LYRM4: variants seen among roughly 807,000 people sequenced by gnomAD.
The protein encoded by LYRM4 is LYR motif-containing protein 4.
In LYRM4, 9 loss-of-function variants were observed where a neutral mutation model predicts 11.7. That is an observed-to-expected ratio of 0.77 (90% CI 0.46 to 1.34). LYRM4 has a LOEUF of 1.34. Among genes scored for constraint, LYRM4 ranks in the 40% most tolerant of loss-of-function variants. The pLI is 0.00. For missense variants in LYRM4, 133 were observed against 112.5 expected, an observed-to-expected ratio of 1.18 and a Z score of -0.82; for synonymous variants, 42 against 40.4, an observed-to-expected ratio of 1.04 and a Z score of -0.15.
chr6:5,099,491 G>T (rs1762438041), downstream of LYRM4, among the ~76,000 whole-genome samples: 1 of 152,092 alleles, frequency 6.6e-6, no homozygotes, highest in South Asian at 2.1e-4. This position sits in a 1 kb window ranked among gnomAD's most constrained non-coding sequence, Gnocchi z 4.3. Context: ...GTGCTCAAGT[G>T]ATCCTCCTGC....
chr6:5,068,919 TTTC>T, the LYRM4 span, among the ~76,000 whole-genome samples: 2 of 152,216 alleles, frequency 1.3e-5, no homozygotes, highest in Non-Finnish European at 2.9e-5. The surrounding 1 kb of genome is among the most constrained non-coding windows in gnomAD (Gnocchi z 4.0). Context: ...AAGTTTGATG[TTTC>T]TTCTTGCTTC....
At chr6:5,110,037 A>C (rs974336130) in intron 2 of LYRM4, among the ~76,000 whole-genome samples, 8 of 152,006 alleles carry the variant, frequency 5.3e-5, no homozygotes, top group African/African-American at 1.9e-4. Flanking sequence ...CTTCTTTTTA[A>C]AGTGTCCTTT....
intron 2 of LYRM4, among the ~76,000 whole-genome samples, chr6:5,203,187 C>T (rs1761488544): frequency 6.6e-6 from 1 of 152,156 alleles, no homozygotes. Context: ...TTCCATGATG[C>T]TCGGAAATAC....
chr6:5,035,470 C>G, the LYRM4 span, among the ~76,000 whole-genome samples: 23 of 150,772 alleles, frequency 1.5e-4, no homozygotes, highest in East Asian at 2.0e-4. Flanking sequence ...ATCGCAGCAG[C>G]GGGATCCGTC....
At chr6:5,254,014 T>C (rs2753241) in intron 1 of LYRM4, among the ~76,000 whole-genome samples, 124,655 of 152,092 alleles carry the variant, frequency 0.82, 51,692 homozygotes, top group African/African-American at 0.95. Flanking sequence ...CAAACTTGCA[T>C]CAAAAAAAGG....
At chr6:5,176,528 C>A (rs1185966812) in intron 2 of LYRM4, among the ~76,000 whole-genome samples, 1 of 152,188 alleles carries the variant, frequency 6.6e-6, no homozygotes, top group Non-Finnish European at 1.5e-5. Context: ...TGAGTACTCA[C>A]CTGTCTGCTG....
chr6:5,146,779 A>G (rs889977859), intron 2 of LYRM4, among the ~76,000 whole-genome samples: 1 of 152,256 alleles, frequency 6.6e-6, no homozygotes, highest in African/African-American at 2.4e-5. Flanking sequence ...AAAAGAAGAC[A>G]AGACTCAGGG....
intron 2 of LYRM4, among the ~76,000 whole-genome samples, chr6:5,145,886 A>G (rs1172720941): frequency 6.6e-6 from 1 of 152,038 alleles, no homozygotes; most frequent in Non-Finnish European, 1.5e-5. Context: ...CCTGCATTCC[A>G]TTCCATTCCA....
At chr6:5,107,270 G>T (rs577931670), downstream of LYRM4, 4 of 152,370 alleles carry the variant, frequency 2.6e-5, no homozygotes, top group African/African-American at 9.6e-5. Flanking sequence ...AGTTTGGGTG[G>T]ACTGCCTCAT....
At chr6:5,042,344 T>C in the LYRM4 span, among the ~76,000 whole-genome samples, 6,087 of 152,238 alleles carry the variant, frequency 0.04, 153 homozygotes, top group African/African-American at 0.066. Context: ...AAAAGCCCCA[T>C]ATGCAATATT....
the LYRM4 span, among the ~76,000 whole-genome samples, chr6:5,063,572 G>C: frequency 6.6e-6 from 1 of 152,144 alleles, no homozygotes; most frequent in African/African-American, 2.4e-5. Context: ...AGAAGCTCCC[G>C]ATCCCTGGAA....
intron 2 of LYRM4, among the ~76,000 whole-genome samples, chr6:5,145,214 G>A (rs1473054932): frequency 6.6e-6 from 1 of 152,144 alleles, no homozygotes; most frequent in Non-Finnish European, 1.5e-5. Flanking sequence ...AGCTTCTCCT[G>A]CCCCTTTCTC....
chr6:5,260,611 G>GGCCCCCC, intron 1 of LYRM4, 37 bp downstream of exon 1: 3 of 1,377,682 alleles, frequency 2.2e-6, no homozygotes, highest in East Asian at 2.5e-5. Flanking sequence ...CCGGCCCCTG[G>GGCCCCCC]CCCCCCGCCC....
At chr6:5,127,316 C>T (rs1008048020) in intron 2 of LYRM4, among the ~76,000 whole-genome samples, 2 of 152,126 alleles carry the variant, frequency 1.3e-5, no homozygotes, top group Non-Finnish European at 2.9e-5. Flanking sequence ...AACTCCTGGG[C>T]TCAAGTGATC....
At chr6:5,150,500 G>C (rs1000021678) in intron 2 of LYRM4, among the ~76,000 whole-genome samples, 1 of 152,148 alleles carries the variant, frequency 6.6e-6, no homozygotes, top group East Asian at 1.9e-4. Context: ...ACCTCATAGG[G>C]AGGTGAGGTC....
At chr6:5,071,648 G>GTA in the LYRM4 span, among the ~76,000 whole-genome samples, 3 of 151,942 alleles carry the variant, frequency 2.0e-5, no homozygotes, top group South Asian at 4.1e-4. Flanking sequence ...GTGTGTGTGT[G>GTA]TATATATATG....
At chr6:5,178,286 TTTC>T (rs1759839264) in intron 2 of LYRM4, among the ~76,000 whole-genome samples, 1 of 152,128 alleles carries the variant, frequency 6.6e-6, no homozygotes, top group Non-Finnish European at 1.5e-5. Context: ...ACTACTCAAT[TTTC>T]TTATGTGTAT....
At chr6:5,103,987 CA>C (rs34084655), downstream of LYRM4, 54,612 of 106,868 alleles carry the variant, frequency 0.51, 11,023 homozygotes, top group East Asian at 0.76. Flanking sequence ...AAGTACTTAG[CA>C]AAAAAAAAAA....
chr6:5,233,571 T>C (rs1763367488), intron 1 of LYRM4, among the ~76,000 whole-genome samples: 1 of 152,240 alleles, frequency 6.6e-6, no homozygotes, highest in Admixed American at 6.5e-5. Flanking sequence ...GGCTGGAGGC[T>C]GATTCAAAGT....
Sources: gnomAD v4.1 joint callset for allele counts (sites outside exome capture counted in the v4.1 genomes callset) on GRCh38, gnomAD v4.1.1 for gene constraint, Gnocchi (gnomAD v3.1) non-coding constraint, MANE v1.5 for transcripts, NCBI Gene and HGNC (gene_info 2026-07-23, HGNC 2026-07-21) for gene names.